The following SRC variants were observed in gnomAD, a reference collection of about 807,000 sequenced individuals.
SRC encodes the protein proto-oncogene tyrosine-protein kinase Src.
Under a neutral mutation model 62.9 loss-of-function variants are expected in SRC, and 13 were observed. The observed-to-expected ratio is 0.21, with a 90% confidence interval of 0.13 to 0.33. The LOEUF (loss-of-function observed/expected upper bound fraction) is 0.33. SRC is among the 10% of genes least tolerant of loss of function. The pLI is 1.00. For synonymous variants in SRC, 302 were observed against 317.5 expected, an observed-to-expected ratio of 0.95 and a Z score of 0.52; for missense variants, 457 against 737.3, an observed-to-expected ratio of 0.62 and a Z score of 4.40.
chr20:37,361,989 A>G (rs972940819), intron 1 of SRC, among the ~76,000 whole-genome samples: 5 of 151,658 alleles, frequency 3.3e-5, no homozygotes, highest in African/African-American at 1.2e-4. Context: ...CTCTGTGTGC[A>G]GGTAGAGATG....
intron 7 of SRC, among the ~76,000 whole-genome samples, chr20:37,395,840 C>T (rs1240165636): frequency 1.3e-5 from 2 of 152,234 alleles, no homozygotes; most frequent in Non-Finnish European, 1.5e-5. Flanking sequence ...TGGGAGCACC[C>T]GCATTGTGCA....
At chr20:37,376,275 G>A (rs1053227863) in intron 2 of SRC, among the ~76,000 whole-genome samples, 6 of 152,238 alleles carry the variant, frequency 3.9e-5, no homozygotes, top group Non-Finnish European at 8.8e-5. Context: ...CTGCAAAAGA[G>A]GGCAAGTGTC....
intron 1 of SRC, among the ~76,000 whole-genome samples, chr20:37,348,198 C>T (rs1160805360): frequency 6.6e-6 from 1 of 152,184 alleles, no homozygotes; most frequent in Non-Finnish European, 1.5e-5. Flanking sequence ...GAGGAAGGCC[C>T]GTGGCTCTCT....
chr20:37,375,221 G>A (rs145006868), intron 2 of SRC, among the ~76,000 whole-genome samples: 3,324 of 148,110 alleles, frequency 0.022, 112 homozygotes, highest in African/African-American at 0.078. Flanking sequence ...ATGAGCCACC[G>A]CACCTGGCCT....
At chr20:37,389,711 C>T (rs973762025) in intron 5 of SRC, among the ~76,000 whole-genome samples, 2 of 152,226 alleles carry the variant, frequency 1.3e-5, no homozygotes, top group African/African-American at 4.8e-5. Flanking sequence ...CTGAGCCACA[C>T]GCCACCCTGG....
At chr20:37,400,868 A>G (rs1418394729) in intron 10 of SRC, among the ~76,000 whole-genome samples, 6 of 151,904 alleles carry the variant, frequency 3.9e-5, no homozygotes, top group African/African-American at 1.2e-4. Context: ...TGCAGACAGT[A>G]CCCTCCAGCC....
intron 2 of SRC, among the ~76,000 whole-genome samples, chr20:37,373,277 C>T (rs562862538): frequency 0.22 from 33,545 of 151,402 alleles, 5,399 homozygotes; most frequent in African/African-American, 0.46. Flanking sequence ...CGCACACACA[C>T]ACACACATAT....
In SRC at chr20:37,375,520, G is replaced by A. The variant is rs543839550; in HGVS notation, c.-172-7099G>A. 4.3e-4 allele frequency among the ~76,000 whole-genome samples: 66 copies of A among 152,198 alleles called. 1 individual carries two copies. The highest frequency in any genetic ancestry group is 1.5e-3 in the African/African-American group (64 of 41,530). On this transcript the variant is annotated intron_variant, in intron 2 of 13. Coordinates refer to ENST00000373578, the MANE Select transcript of SRC (RefSeq NM_198291.3). ...CACAAGGTATTGGGATTACATGCAT[G>A]AGCCAACACACCTGGCCAAATTTTT...
Position 37,397,160 on chromosome 20 carries a change from C to A in SRC, c.704-539C>A, listed in dbSNP as rs2070666035. Among the ~76,000 whole-genome samples, 1 of 152,162 alleles carries A rather than the reference C, an allele frequency of 6.6e-6. No individual in the cohort carries two copies. Among genetic ancestry groups the A allele is most frequent in the South Asian group, 2.1e-4 (1 of 4,832 alleles). On this transcript the variant is annotated intron_variant, in intron 8 of 13. Coordinates refer to ENST00000373578, the MANE Select transcript of SRC (RefSeq NM_198291.3). The surrounding 1 kb of genome is among the most constrained non-coding windows in gnomAD (Gnocchi z 4.1). ...ACCCTTCCCCACCTGCTCCCTGCGC[C>A]CCTTTGTCCTCCGCTTCTCCAGCCC... is the stretch of plus-strand genomic sequence containing the variant.
rs529151092 is a variant in SRC, at chr20:37,392,835, CCT to C, written c.351-1059_351-1058del. ...GGCCTCTGTGGCTGCCCCCTCGTCCCCTGTCCCCAGCACCGCCTGGCTCTCCC... is the reference window on the plus strand; with the variant it reads ...GGCCTCTGTGGCTGCCCCCTCGTCCCGTCCCCAGCACCGCCTGGCTCTCCC... On this transcript the variant is annotated intron_variant, in intron 5 of 13. Coordinates refer to ENST00000373578, the MANE Select transcript of SRC (RefSeq NM_198291.3). 1.9e-4 allele frequency among the ~76,000 whole-genome samples: 29 copies of C among 152,230 alleles called. No individual in the cohort carries two copies. The South Asian group carries it at 6.0e-3, about 32-fold the overall frequency.
At chr20:37,387,691 C>T (rs1402140749) in intron 5 of SRC, among the ~76,000 whole-genome samples, 2 of 152,228 alleles carry the variant, frequency 1.3e-5, no homozygotes, top group East Asian at 1.9e-4. Flanking sequence ...TGGAGGGTGG[C>T]TCTCTGGTGC....
At chr20:37,395,025 C>T (rs1404629750) in intron 7 of SRC, among the ~76,000 whole-genome samples, 1 of 152,100 alleles carries the variant, frequency 6.6e-6, no homozygotes, top group African/African-American at 2.4e-5. Context: ...CTTGTGTGAG[C>T]GTGTGGCTAC....
At chr20:37,394,408 G>C in intron 7 of SRC, 131 bp downstream of exon 7, 2 of 738,532 alleles carry the variant, frequency 2.7e-6, no homozygotes, top group Middle Eastern at 4.6e-4. Flanking sequence ...GGTAATGGCA[G>C]GATCAAAGTC....
At chr20:37,386,587 C>G (rs1360038958) in intron 5 of SRC, 6 of 683,344 alleles carry the variant, frequency 8.8e-6, no homozygotes, top group Non-Finnish European at 1.6e-5. Flanking sequence ...GCTCTCTTGG[C>G]TGCTCCTCAC....
chr20:37,345,758 C>G (rs2069706613), upstream of SRC, among the ~76,000 whole-genome samples: 1 of 150,708 alleles, frequency 6.6e-6, no homozygotes, highest in South Asian at 2.1e-4. Context: ...TCCACGCCCG[C>G]TGATATTATT....
At chr20:37,348,325 A>C (rs1248161444) in intron 1 of SRC, among the ~76,000 whole-genome samples, 1 of 151,924 alleles carries the variant, frequency 6.6e-6, no homozygotes, top group African/African-American at 2.4e-5. Context: ...TGGCTCCCCC[A>C]AGCCCCAGGA....
In SRC at chr20:37,384,823, C is replaced by G. The variant is rs1192078472; in HGVS notation, c.250+420C>G. Among the ~76,000 whole-genome samples, 2 of 152,198 alleles carry G rather than the reference C, an allele frequency of 1.3e-5. No homozygotes were observed. The highest frequency in any genetic ancestry group is 2.9e-5 in the Non-Finnish European group (2 of 68,028). ...TCGGGGAACGGGGCACCGGATGGCC[C>G]CGGTTGGGCCCGCGCCAGGATGCGC... On this transcript the variant is annotated intron_variant, in intron 4 of 13. Coordinates refer to ENST00000373578, the MANE Select transcript of SRC (RefSeq NM_198291.3). The surrounding 1 kb of genome is among the most constrained non-coding windows in gnomAD (Gnocchi z 6.7).
intron 5 of SRC, among the ~76,000 whole-genome samples, chr20:37,389,659 C>T (rs8120573): frequency 0.038 from 5,836 of 152,266 alleles, 352 homozygotes; most frequent in African/African-American, 0.13. Context: ...AATGTCAGTG[C>T]CCACGCTGGC....
chr20:37,373,879 T>C (rs2070235998), intron 2 of SRC, among the ~76,000 whole-genome samples: 1 of 152,174 alleles, frequency 6.6e-6, no homozygotes, highest in East Asian at 1.9e-4. Context: ...AGCACACAGT[T>C]TTAATTACTG....
Sources: allele counts gnomAD v4.1 joint callset (sites outside exome capture counted in the v4.1 genomes callset), GRCh38; gene constraint gnomAD v4.1.1; non-coding constraint Gnocchi (gnomAD v3.1); transcripts MANE v1.5; gene names NCBI Gene and HGNC (gene_info 2026-07-23, HGNC 2026-07-21).